MYO10: variants seen among roughly 807,000 people sequenced by gnomAD.
The protein encoded by MYO10 is unconventional myosin-X.
A neutral mutation model predicts 257.3 loss-of-function variants in MYO10; 133 were observed. The observed-to-expected ratio is 0.52, with a 90% confidence interval of 0.45 to 0.60. MYO10 has a LOEUF of 0.60. MYO10 is among the 20% of genes least tolerant of loss of function. The pLI is 0.00. For missense variants in MYO10, 2,399 were observed against 2,635.7 expected (o/e 0.91, Z 1.97); for synonymous variants, 1,104 against 1,028.6 (o/e 1.07, Z -1.40).
chr5:16,707,257 T>C (rs1357512129), intron 21 of MYO10, among the ~76,000 whole-genome samples: 1 of 152,248 alleles, frequency 6.6e-6, no homozygotes, highest in Non-Finnish European at 1.5e-5. Flanking sequence ...GGTATGTCTT[T>C]ATTAGCAGTG....
intron 1 of MYO10, among the ~76,000 whole-genome samples, chr5:16,925,860 A>G (rs1746117249): frequency 6.6e-6 from 1 of 152,180 alleles, no homozygotes; most frequent in South Asian, 2.1e-4. Context: ...CTTGCTGCCA[A>G]AAGTGTTTCA....
At chr5:16,760,295 C>CAAA (rs749694848) in intron 17 of MYO10, among the ~76,000 whole-genome samples, 7 of 107,294 alleles carry the variant, frequency 6.5e-5, no homozygotes, top group East Asian at 2.8e-4. Flanking sequence ...ACTAAAGATA[C>CAAA]AAAAAAAAAA....
intron 19 of MYO10, among the ~76,000 whole-genome samples, chr5:16,737,770 T>C (rs1483056499): frequency 3.3e-5 from 5 of 152,122 alleles, no homozygotes. Flanking sequence ...GTCTAGCAGG[T>C]AGATGCCAGC....
intron 4 of MYO10, among the ~76,000 whole-genome samples, chr5:16,793,502 T>C (rs1240720305): frequency 6.6e-6 from 1 of 152,090 alleles, no homozygotes; most frequent in East Asian, 1.9e-4. Context: ...TTTGCATTTT[T>C]AGTAGAAATG....
intron 2 of MYO10, among the ~76,000 whole-genome samples, chr5:16,864,646 T>G (rs1744192378): frequency 6.6e-6 from 1 of 152,162 alleles, no homozygotes; most frequent in Non-Finnish European, 1.5e-5. Context: ...ATAAATGAGC[T>G]TTCTGTGCAG....
intron 40 of MYO10, among the ~76,000 whole-genome samples, 153 bp downstream of exon 40, chr5:16,668,124 G>A (rs183629421): frequency 6.6e-6 from 1 of 152,188 alleles, no homozygotes; most frequent in Admixed American, 6.5e-5. Flanking sequence ...GCAGGGAACC[G>A]GCAGCTGGAA....
In MYO10 at chr5:16,664,877, C is replaced by CAAGT. The variant is rs1241945502; in HGVS notation, c.*1811_*1814dup. On this transcript the variant is annotated 3_prime_UTR_variant, in exon 41 of 41. Coordinates refer to ENST00000513610, the MANE Select transcript of MYO10 (RefSeq NM_012334.3). ...CAGATCTGTGTTTAGACCTGATGAG[C>CAAGT]AAGTCCATGAAACAAACACAAAGCC... 1.3e-5 allele frequency: 2 copies of CAAGT among 152,214 alleles called. No individual in the cohort carries two copies. The highest frequency in any genetic ancestry group is 4.8e-5 in the African/African-American group (2 of 41,416). 9.4% of individuals were successfully genotyped at this position (152,214 alleles called of 1,614,324 possible). A position where few individuals can be genotyped will look rare whatever the true frequency, so the allele number is the denominator to read the frequency against.
At chr5:16,872,049 T>C (rs1288466059) in intron 2 of MYO10, among the ~76,000 whole-genome samples, 3 of 152,102 alleles carry the variant, frequency 2.0e-5, no homozygotes, top group East Asian at 3.9e-4. Flanking sequence ...CTGTTGAAAA[T>C]GATCAGAACT....
chr5:16,720,503 G>A (rs776045853), intron 19 of MYO10, among the ~76,000 whole-genome samples: 27 of 151,866 alleles, frequency 1.8e-4, no homozygotes, highest in African/African-American at 2.4e-5. Flanking sequence ...GCCCAGGCTG[G>A]AGTGCAGTGG....
At chr5:16,847,053 G>C (rs1481584323) in intron 2 of MYO10, among the ~76,000 whole-genome samples, 2 of 152,080 alleles carry the variant, frequency 1.3e-5, no homozygotes, top group Non-Finnish European at 2.9e-5. Flanking sequence ...AGAAGACAGA[G>C]ATTGCAGTAA....
intron 3 of MYO10, among the ~76,000 whole-genome samples, chr5:16,813,765 T>C (rs1203468434): frequency 1.3e-5 from 2 of 152,206 alleles, no homozygotes; most frequent in Admixed American, 6.5e-5. Flanking sequence ...ATGTGAGGCC[T>C]TAAAAGCAGA....
At chr5:16,823,567 G>T (rs2126710955) in intron 2 of MYO10, among the ~76,000 whole-genome samples, 1 of 140,144 alleles carries the variant, frequency 7.1e-6, no homozygotes, top group African/African-American at 2.6e-5. Context: ...CGCCTCCAGG[G>T]TTCATGCCAT....
At chr5:16,728,160 T>C (rs1282288762) in intron 19 of MYO10, among the ~76,000 whole-genome samples, 1 of 152,208 alleles carries the variant, frequency 6.6e-6, no homozygotes, top group African/African-American at 2.4e-5. Flanking sequence ...CCTCCTGGCT[T>C]CCTGCCTTTC....
At chr5:16,798,744 A>G (rs2126685314) in intron 3 of MYO10, among the ~76,000 whole-genome samples, 2 of 152,170 alleles carry the variant, frequency 1.3e-5, no homozygotes, top group East Asian at 1.9e-4. Flanking sequence ...TGTGAAATAC[A>G]TTCTTATTTT....
At chr5:16,805,388 G>C (rs774133974) in intron 3 of MYO10, among the ~76,000 whole-genome samples, 4 of 146,980 alleles carry the variant, frequency 2.7e-5, no homozygotes, top group Non-Finnish European at 5.9e-5. Context: ...CTTGAACCCA[G>C]GAAGCAGAGA....
chr5:16,727,472 T>C (rs1417084177), intron 19 of MYO10, among the ~76,000 whole-genome samples: 1 of 152,176 alleles, frequency 6.6e-6, no homozygotes, highest in Non-Finnish European at 1.5e-5. Context: ...TTACCCATTT[T>C]TCAAAGATAA....
intron 19 of MYO10, among the ~76,000 whole-genome samples, chr5:16,718,149 G>A (rs1220014751): frequency 6.6e-6 from 1 of 152,228 alleles, no homozygotes; most frequent in Non-Finnish European, 1.5e-5. Context: ...GCCCACCGGC[G>A]CTGTGCTCTG....
Position 16,877,631 on chromosome 5 carries a change from A to G in MYO10, c.98T>C (p.Val33Ala). ...CACCTGACCATAGTCTGTCCGGAAG[A>G]CGACGATGCCTTCTGCACAGGAATT... ...TVNSCAEGIV[V>A]FRTDYGQVFT... is the part of the protein sequence containing the mutation. The change falls in exon 2 of 41, where the codon GTC (valine) becomes GCC (alanine). Residue 33 changes from valine (V) to alanine (A), a missense_variant. Physicochemically the swap from Val to Ala is moderately conservative, Grantham distance 64. This residue lies in a region of MYO10 where 242 missense variants were observed against 249.5 expected (regional missense o/e 0.97). Coordinates refer to ENST00000513610, the MANE Select transcript of MYO10 (RefSeq NM_012334.3). 6.2e-7 allele frequency: 1 copy of G among 1,613,662 alleles called. No homozygotes were observed.
Position 16,936,229 on chromosome 5 carries a change from C to T in MYO10, c.-421G>A, listed in dbSNP as rs760092157. ...GTGAGCAGGAGCCGCGATCCCCGCG[C>T]GAGCGCTTGGAGGTGAGCAGTCCCG... On this transcript the variant is annotated 5_prime_UTR_variant, in exon 1 of 41. Coordinates refer to ENST00000513610, the MANE Select transcript of MYO10 (RefSeq NM_012334.3). 2 of 189,002 alleles carry T rather than the reference C, an allele frequency of 1.1e-5. No homozygotes were observed. Among genetic ancestry groups the T allele is most frequent in the Non-Finnish European group, 2.2e-5 (2 of 91,874 alleles). 11.7% of individuals were successfully genotyped at this position (189,002 alleles called of 1,614,324 possible).
Sources: allele counts gnomAD v4.1 joint callset (sites outside exome capture counted in the v4.1 genomes callset), GRCh38; gene constraint gnomAD v4.1.1; regional missense constraint gnomAD v4.1.1; transcripts MANE v1.5; gene names NCBI Gene and HGNC (gene_info 2026-07-23, HGNC 2026-07-21).